Variants in PLGRKT observed in about 807,000 individuals in gnomAD.
PLGRKT encodes the protein plasminogen receptor with a C-terminal lysine.
A neutral mutation model predicts 18.5 loss-of-function variants in PLGRKT; 22 were observed. The observed-to-expected ratio is 1.19, with a 90% CI of 0.85 to 1.70. The LOEUF (loss-of-function observed/expected upper bound fraction) is 1.70. PLGRKT is among the 40% of genes most tolerant of loss of function. PLGRKT has a pLI of 0.00. For synonymous variants in PLGRKT, 72 were observed against 52.8 expected, an observed-to-expected ratio of 1.36 and a Z score of -1.58; for missense variants, 235 against 174.4, an observed-to-expected ratio of 1.35 and a Z score of -1.96.
At position 5,361,257 on chromosome 9, in the gene PLGRKT, G is replaced by GA. The variant is rs545562923; in HGVS notation, c.213-71dup. The GA allele has an allele frequency of 3.0e-3, 2,377 of 781,812 alleles. 4 individuals are homozygous for GA. The highest frequency in any genetic ancestry group is 8.3e-3 in the Middle Eastern group (33 of 3,996). 48.4% of individuals were successfully genotyped at this position (781,812 alleles called of 1,614,324 possible). A position where few individuals can be genotyped will look rare whatever the true frequency, so the allele number is the denominator to read the frequency against. On this transcript the variant is annotated intron_variant, in intron 4 of 5. Coordinates refer to ENST00000223864, the MANE Select transcript of PLGRKT (RefSeq NM_018465.4). Reference sequence around the variant, plus strand: ...GTAAATACATATCTGTATACTTAAAGAAAAAAAAATACCTGCTTTTTGGAA... The same window carrying GA: ...GTAAATACATATCTGTATACTTAAAGAAAAAAAAAATACCTGCTTTTTGGAA...
At position 5,408,857 on chromosome 9, in the gene PLGRKT, C is replaced by T. The variant is rs567103662; in HGVS notation, c.81+23040G>A. 1.6e-4 allele frequency among the ~76,000 whole-genome samples: 24 copies of T among 152,370 alleles called. 3 individuals carry two copies. The South Asian group carries it at 4.8e-3, about 30-fold the overall frequency. Reference sequence around the variant, plus strand: ...ACTGTTCCCCCACATCACAGTCACTCCAGCTCCAGCTTCAGGTCAGATACA... The same window carrying T: ...ACTGTTCCCCCACATCACAGTCACTTCAGCTCCAGCTTCAGGTCAGATACA... On this transcript the variant is annotated intron_variant, in intron 3 of 5. Coordinates refer to ENST00000223864, the MANE Select transcript of PLGRKT (RefSeq NM_018465.4).
intron 1 of PLGRKT, among the ~76,000 whole-genome samples, chr9:5,437,469 C>G (rs1818982153): frequency 6.6e-6 from 1 of 152,216 alleles, no homozygotes; most frequent in Admixed American, 6.5e-5. Flanking sequence ...CCCTTGCTCC[C>G]TGAGGCCAGT....
In PLGRKT at chr9:5,418,670, G is replaced by A. The variant is rs1563787516; in HGVS notation, c.81+13227C>T. ...AGCGCGTGCTCCTTGGAGATGGGCA[G>A]GGGCAGCATGTAGCACCCACTGCCG... On this transcript the variant is annotated intron_variant, in intron 3 of 5. Coordinates refer to ENST00000223864, the MANE Select transcript of PLGRKT (RefSeq NM_018465.4). The surrounding 1 kb of genome is among the most constrained non-coding windows in gnomAD (Gnocchi z 4.2). The A allele has an allele frequency of 5.9e-6, 4 of 674,262 alleles. No individual in the cohort carries two copies. The highest frequency in any genetic ancestry group is 1.1e-5 in the Non-Finnish European group (4 of 361,050). 41.8% of individuals were successfully genotyped at this position (674,262 alleles called of 1,614,324 possible). A position where few individuals can be genotyped will look rare whatever the true frequency, so the allele number is the denominator to read the frequency against.
intron 3 of PLGRKT, among the ~76,000 whole-genome samples, chr9:5,384,349 A>C: frequency 6.6e-6 from 1 of 152,294 alleles, no homozygotes; most frequent in African/African-American, 2.4e-5. Flanking sequence ...AATTATCTTT[A>C]TGAAATTTCA....
chr9:5,418,797 G>A lies in PLGRKT; in HGVS notation c.81+13100C>T, dbSNP rs990794466. 1.1e-6 allele frequency: 1 copy of A among 881,986 alleles called. No homozygotes were observed. The highest frequency in any genetic ancestry group is 1.9e-6 in the Non-Finnish European group (1 of 538,642). 54.6% of individuals were successfully genotyped at this position (881,986 alleles called of 1,614,324 possible). On this transcript the variant is annotated intron_variant, in intron 3 of 5. Coordinates refer to ENST00000223864, the MANE Select transcript of PLGRKT (RefSeq NM_018465.4). The surrounding 1 kb of genome is among the most constrained non-coding windows in gnomAD (Gnocchi z 4.2). ...GGAGCTGCGACACGGAGAAGTCAGG[G>A]GGCAGCTTGGTGACACCGCTGCACC...
chr9:5,364,619 C>T (rs1472583758), intron 3 of PLGRKT, among the ~76,000 whole-genome samples: 5 of 152,178 alleles, frequency 3.3e-5, no homozygotes, highest in African/African-American at 1.2e-4. Flanking sequence ...GGGAAAAGAA[C>T]TGATCTATCT....
At chr9:5,411,401 A>AAAAG (rs1818363684) in intron 3 of PLGRKT, among the ~76,000 whole-genome samples, 1 of 146,228 alleles carries the variant, frequency 6.8e-6, no homozygotes, top group African/African-American at 2.5e-5. Flanking sequence ...AAAAAAAAAG[A>AAAAG]AAAGAAAAGA....
intron 3 of PLGRKT, among the ~76,000 whole-genome samples, chr9:5,365,228 G>C (rs1817359749): frequency 2.0e-5 from 3 of 152,128 alleles, no homozygotes; most frequent in African/African-American, 7.2e-5. Flanking sequence ...AGAAAGTCAA[G>C]AGATACTAAA....
chr9:5,389,047 G>A (rs1009794270), intron 3 of PLGRKT, among the ~76,000 whole-genome samples: 2 of 151,964 alleles, frequency 1.3e-5, no homozygotes, highest in Non-Finnish European at 2.9e-5. Context: ...GGGTGTCTCA[G>A]TAAGAGGGTA....
In PLGRKT at chr9:5,358,026, C is replaced by T. The variant is rs1399438065; in HGVS notation, c.*213G>A. 2.5e-6 allele frequency: 1 copy of T among 407,810 alleles called. No homozygotes were observed. 25.3% of individuals were successfully genotyped at this position (407,810 alleles called of 1,614,324 possible). A position where few individuals can be genotyped will look rare whatever the true frequency, so the allele number is the denominator to read the frequency against. ...TACACTTAGATATTGGTAATGCACA[C>T]AGAGAGAGGAAATCTAAAAGTTATT... On this transcript the variant is annotated 3_prime_UTR_variant, in exon 6 of 6. Transcript: ENST00000223864.
chr9:5,394,356 G>C (rs534706575), intron 3 of PLGRKT, among the ~76,000 whole-genome samples: 2 of 151,836 alleles, frequency 1.3e-5, no homozygotes, highest in African/African-American at 4.9e-5. Flanking sequence ...AAGAACGAGG[G>C]AGAAAACATG....
chr9:5,397,147 C>T (rs186668750), intron 3 of PLGRKT, among the ~76,000 whole-genome samples: 312 of 152,014 alleles, frequency 2.1e-3, no homozygotes, highest in Non-Finnish European at 3.6e-3. Context: ...AAATTGTAGG[C>T]TTCCTACTAG....
chr9:5,425,092 A>C (rs1440863147), intron 3 of PLGRKT, among the ~76,000 whole-genome samples: 1 of 152,186 alleles, frequency 6.6e-6, no homozygotes, highest in Non-Finnish European at 1.5e-5. Flanking sequence ...CTGCCCAGCT[A>C]ATCTTTACAT....
chr9:5,408,787 C>T (rs1818305462), intron 3 of PLGRKT, among the ~76,000 whole-genome samples: 1 of 152,250 alleles, frequency 6.6e-6, no homozygotes, highest in African/African-American at 2.4e-5. Flanking sequence ...AGAATGGTTT[C>T]CTGGGCCAGG....
Position 5,358,313 on chromosome 9 carries a change from G to C in PLGRKT, c.370C>G (p.Pro124Ala). Residue 124 changes from proline to alanine, a missense_variant, in exon 6 of 6, where the codon CCA (proline) becomes GCA (alanine). By Grantham distance (27) the Pro-to-Ala change is conservative (BLOSUM62 -1). Transcript: ENST00000223864. ...LETEKSKLQL[P>A]RGMITFESIE... is the part of the protein sequence containing the mutation. ...CTTTCAAAAGTGATCATTCCTCTTG[G>C]CAGCTGCAATTTACTCTTTTCTGTT... The C allele has an allele frequency of 1.2e-6, 2 of 1,608,976 alleles. No homozygotes were observed. The highest frequency in any genetic ancestry group is 1.7e-6 in the Non-Finnish European group (2 of 1,175,762).
At position 5,408,815 on chromosome 9, in the gene PLGRKT, C is replaced by G. The variant is rs79526503; in HGVS notation, c.81+23082G>C. Among the ~76,000 whole-genome samples the G allele has an allele frequency of 7.4e-3, 1,125 of 152,378 alleles. 14 individuals are homozygous for G. Among genetic ancestry groups the G allele is most frequent in the African/African-American group, 0.026 (1,082 of 41,592 alleles). On this transcript the variant is annotated intron_variant, in intron 3 of 5. Transcript: ENST00000223864. ...GGGCCAGGCCCAGAGCCCCACTTCCCTGCACAGCCTTGGGACACTGTTCCC... is the reference window on the plus strand; with the variant it reads ...GGGCCAGGCCCAGAGCCCCACTTCCGTGCACAGCCTTGGGACACTGTTCCC...
intron 3 of PLGRKT, among the ~76,000 whole-genome samples, chr9:5,397,381 A>G (rs759028557): frequency 6.6e-6 from 1 of 151,920 alleles, no homozygotes; most frequent in Non-Finnish European, 1.5e-5. Flanking sequence ...CATAGCACTT[A>G]GCTCGATTTA....
chr9:5,387,266 C>T (rs992100943), intron 3 of PLGRKT, among the ~76,000 whole-genome samples: 1 of 151,818 alleles, frequency 6.6e-6, no homozygotes, highest in African/African-American at 2.4e-5. Context: ...GGGTTTGGAT[C>T]AGGAAATGTA....
intron 3 of PLGRKT, among the ~76,000 whole-genome samples, chr9:5,414,750 T>C (rs554423579): frequency 1.3e-5 from 2 of 152,330 alleles, no homozygotes; most frequent in African/African-American, 4.8e-5. Context: ...GTACTGGCAA[T>C]TCTAAAACTA....
Sources: allele counts gnomAD v4.1 joint callset (sites outside exome capture counted in the v4.1 genomes callset), GRCh38; gene constraint gnomAD v4.1.1; non-coding constraint Gnocchi (gnomAD v3.1); transcripts MANE v1.5; gene names NCBI Gene and HGNC (gene_info 2026-07-23, HGNC 2026-07-21).